Variants in ALK observed in about 807,000 individuals in gnomAD.
ALK encodes the protein ALK receptor tyrosine kinase, also known as ALK tyrosine kinase receptor.
In ALK, 74 loss-of-function variants were observed where a neutral mutation model predicts 163.1. The ratio of observed to expected loss-of-function variants is 0.45; its 90% CI spans 0.38 to 0.55. ALK has a LOEUF of 0.55. Ranked by LOEUF, ALK falls within the 20% of genes least tolerant of loss-of-function variation. The pLI, the probability that ALK is intolerant of heterozygous loss-of-function variation, is 0.00. For synonymous variants in ALK, 960 were observed against 843.2 expected (o/e 1.14, Z -2.40); for missense variants, 2,063 against 2,105.3 (o/e 0.98, Z 0.39).
intron 3 of ALK, among the ~76,000 whole-genome samples, chr2:29,589,222 G>A (rs1674976602): frequency 6.6e-6 from 1 of 152,172 alleles, no homozygotes; most frequent in Admixed American, 6.5e-5. Context: ...TGATGCTGTT[G>A]CTATAATAAT....
At chr2:29,297,357 T>A (rs531934120) in intron 8 of ALK, among the ~76,000 whole-genome samples, 30 of 152,366 alleles carry the variant, frequency 2.0e-4, no homozygotes, top group Middle Eastern at 3.4e-3. Flanking sequence ...AGATTCTGCC[T>A]GTAAGGTGAT....
At chr2:29,555,827 T>C (rs1244077997) in intron 3 of ALK, among the ~76,000 whole-genome samples, 1 of 151,602 alleles carries the variant, frequency 6.6e-6, no homozygotes, top group East Asian at 1.9e-4. Flanking sequence ...GAAAACAGAG[T>C]GAAAAAAATG....
chr2:29,831,081 GAGGAGGAGGA>G (rs1665386220), intron 1 of ALK, among the ~76,000 whole-genome samples: 1 of 44,660 alleles, frequency 2.2e-5, no homozygotes, highest in Non-Finnish European at 4.0e-5. Context: ...GGAGGAGGAG[GAGGAGGAGGA>G]GGAGGAGGAG....
At chr2:29,827,149 G>A (rs186744436) in intron 1 of ALK, among the ~76,000 whole-genome samples, 1 of 152,214 alleles carries the variant, frequency 6.6e-6, no homozygotes. Context: ...TCAAGCAATG[G>A]TCTCAGAACA....
At chr2:29,310,275 T>C (rs1666660760) in intron 8 of ALK, among the ~76,000 whole-genome samples, 1 of 152,196 alleles carries the variant, frequency 6.6e-6, no homozygotes, top group Non-Finnish European at 1.5e-5. Context: ...TAAGCTCCAG[T>C]TTCTGTATCA....
intron 11 of ALK, among the ~76,000 whole-genome samples, chr2:29,253,180 C>G (rs1021535553): frequency 6.6e-6 from 1 of 152,144 alleles, no homozygotes; most frequent in Non-Finnish European, 1.5e-5. Flanking sequence ...ATAAAGAGGG[C>G]AAACCTGCTA....
intron 4 of ALK, among the ~76,000 whole-genome samples, chr2:29,385,022 C>T (rs1668995659): frequency 6.6e-6 from 1 of 151,678 alleles, no homozygotes; most frequent in Non-Finnish European, 1.5e-5. Context: ...GCATTCCAGC[C>T]TGGCGATACA....
intron 1 of ALK, among the ~76,000 whole-genome samples, chr2:29,860,528 T>C (rs138385131): frequency 6.6e-6 from 1 of 152,170 alleles, no homozygotes; most frequent in African/African-American, 2.4e-5. Context: ...TTAGACCAAA[T>C]GGATCTAACA....
intron 9 of ALK, among the ~76,000 whole-genome samples, chr2:29,285,569 CT>C (rs35035855): frequency 0.081 from 11,520 of 142,078 alleles, 649 homozygotes; most frequent in African/African-American, 0.17. Context: ...CTCAGTGGCT[CT>C]TTTTTTTTTT....
At chr2:29,264,322 CA>C (rs1665159557) in intron 11 of ALK, among the ~76,000 whole-genome samples, 1 of 152,248 alleles carries the variant, frequency 6.6e-6, no homozygotes, top group Non-Finnish European at 1.5e-5. Flanking sequence ...TAGCCAGTAG[CA>C]TTTTCCTGAT....
chr2:29,564,761 A>G (rs1180342342), intron 3 of ALK, among the ~76,000 whole-genome samples: 1 of 152,188 alleles, frequency 6.6e-6, no homozygotes, highest in African/African-American at 2.4e-5. Flanking sequence ...TCAGAGGTGG[A>G]GGGAGGCTGA....
At chr2:29,864,406 C>T (rs1467774200) in intron 1 of ALK, among the ~76,000 whole-genome samples, 1 of 152,216 alleles carries the variant, frequency 6.6e-6, no homozygotes, top group Non-Finnish European at 1.5e-5. Context: ...TAGGCCCTTT[C>T]TCTTTCTGTC....
intron 3 of ALK, among the ~76,000 whole-genome samples, chr2:29,628,747 T>A (rs1218399551): frequency 1.3e-5 from 2 of 152,180 alleles, no homozygotes; most frequent in Non-Finnish European, 2.9e-5. Context: ...TCATGTGTGA[T>A]CTCAAGCAAT....
intron 5 of ALK, among the ~76,000 whole-genome samples, chr2:29,380,928 C>G (rs1668880547): frequency 6.6e-6 from 1 of 152,148 alleles, no homozygotes; most frequent in African/African-American, 2.4e-5. Flanking sequence ...TAGACAGAGA[C>G]AGATAGAATA....
rs181116621 is a variant in ALK, at chr2:29,508,305, C to T, written c.1154+23610G>A. ...AGTGGTCTGTTCAGAGCAGTATAGG[C>T]GTCAGCTTGTTAGAAATGCAGAAAA... is the stretch of plus-strand genomic sequence containing the variant. On this transcript the variant is annotated intron_variant, in intron 4 of 28. Coordinates refer to ENST00000389048, the MANE Select transcript of ALK (RefSeq NM_004304.5). Among the ~76,000 whole-genome samples the T allele has an allele frequency of 1.5e-4, 23 of 152,266 alleles. No homozygotes were observed. In the East Asian group the frequency reaches 3.3e-3, roughly 22 times the overall value.
rs751306825 is a variant in ALK at position 29,220,759 on chromosome 2, G to A, written c.3592C>T (p.Leu1198Phe). ...GACTTGAGGTCTCCCCCCGCCATGA[G>A]CTCCAGCAGGATGAACCGGGGCAGG... Reference protein sequence around the residue: ...QSLPRFILLELMAGGDLKSFL... With the variant: ...QSLPRFILLEFMAGGDLKSFL... Residue 1198 changes from leucine to phenylalanine, a missense_variant, in exon 23 of 29, where the codon CTC (leucine) becomes TTC (phenylalanine). This residue lies in a region of ALK where 575 missense variants were observed against 626.6 expected (regional missense o/e 0.92). Transcript: ENST00000389048. The A allele has an allele frequency of 6.2e-7, 1 of 1,613,890 alleles. No individual in the cohort carries two copies. The highest frequency in any genetic ancestry group is 8.5e-7 in the Non-Finnish European group (1 of 1,179,910).
At chr2:29,876,667 A>G (rs1666724982) in intron 1 of ALK, among the ~76,000 whole-genome samples, 1 of 140,380 alleles carries the variant, frequency 7.1e-6, no homozygotes, top group African/African-American at 2.7e-5. Context: ...GATGGTGGTG[A>G]TGATGGTAAC....
Position 29,308,899 on chromosome 2 carries a change from G to GTT in ALK, c.1647+9403_1647+9404dup, listed in dbSNP as rs113000474. ...AATGCTGTGTTAAAGTTTCTGTCTG[G>GTT]TTTTTTTTTTTGTTGCTGTTTTTTA... On this transcript the variant is annotated intron_variant, in intron 8 of 28. Coordinates refer to ENST00000389048, the MANE Select transcript of ALK (RefSeq NM_004304.5). 2.7e-3 allele frequency among the ~76,000 whole-genome samples: 399 copies of GTT among 147,168 alleles called. 3 individuals carry two copies. Among genetic ancestry groups the GTT allele is most frequent in the African/African-American group, 9.2e-3 (369 of 40,274 alleles).
At chr2:29,231,613 C>G (rs1262268586) in intron 15 of ALK, among the ~76,000 whole-genome samples, 1 of 152,198 alleles carries the variant, frequency 6.6e-6, no homozygotes, top group East Asian at 1.9e-4. Context: ...CTAGCCGTCT[C>G]TCAATTGAGA....
Sources: gnomAD v4.1 joint callset for allele counts (sites outside exome capture counted in the v4.1 genomes callset) on GRCh38, gnomAD v4.1.1 for gene constraint, gnomAD v4.1.1 regional missense constraint, MANE v1.5 for transcripts, NCBI Gene and HGNC (gene_info 2026-07-23, HGNC 2026-07-21) for gene names.